The following CYP4Z1 variants were observed in gnomAD, a reference collection of about 807,000 sequenced individuals.
CYP4Z1 encodes the protein cytochrome P450 4Z1.
A neutral mutation model predicts 54.2 loss-of-function variants in CYP4Z1; 41 were observed. The ratio of observed to expected loss-of-function variants is 0.76; its 90% CI spans 0.59 to 0.98. The LOEUF is 0.98. Among genes scored for constraint, CYP4Z1 ranks in the 50% least tolerant of loss-of-function variants. CYP4Z1 has a pLI of 0.00. For synonymous variants in CYP4Z1, 163 were observed against 206.2 expected (o/e 0.79, Z 1.79); for missense variants, 513 against 599.0 (o/e 0.86, Z 1.50).
chr1:47,060,966 A>G, the CYP4Z1 span, among the ~76,000 whole-genome samples: 1 of 152,216 alleles, frequency 6.6e-6, no homozygotes, highest in Middle Eastern at 3.2e-3. Context: ...TGAGTAAACA[A>G]TGAAGTTAAG....
intron 1 of CYP4Z1, among the ~76,000 whole-genome samples, chr1:47,067,994 T>C (rs1244791554): frequency 2.0e-5 from 3 of 152,086 alleles, no homozygotes; most frequent in Admixed American, 6.6e-5. Context: ...TAGAGAGAAA[T>C]AGACCAAGCC....
chr1:47,084,444 G>GT (rs1415456439), intron 4 of CYP4Z1, among the ~76,000 whole-genome samples, 176 bp from the exon 5 acceptor site: 2 of 151,864 alleles, frequency 1.3e-5, no homozygotes, highest in Admixed American at 1.3e-4. Context: ...CTAAGGCACA[G>GT]TATCATTTTC....
chr1:47,064,746 A>G (rs898669018), upstream of CYP4Z1, among the ~76,000 whole-genome samples: 3 of 152,208 alleles, frequency 2.0e-5, no homozygotes, highest in African/African-American at 7.2e-5. Flanking sequence ...ACTTAAAAGA[A>G]ACAGAACAGC....
chr1:47,068,554 A>G, intron 1 of CYP4Z1, 68 bp from the exon 2 acceptor site: 1 of 1,579,850 alleles, frequency 6.3e-7, no homozygotes, highest in Non-Finnish European at 8.6e-7. Context: ...CACATGGTCC[A>G]TCCGAGGGAA....
chr1:47,087,782 A>G (rs576003820), intron 6 of CYP4Z1, among the ~76,000 whole-genome samples: 2 of 152,294 alleles, frequency 1.3e-5, no homozygotes, highest in South Asian at 4.1e-4. Context: ...CAGTTTTCAA[A>G]TGTAATGCTT....
chr1:47,062,758 C>T (rs1288373305), upstream of CYP4Z1, among the ~76,000 whole-genome samples: 2 of 152,208 alleles, frequency 1.3e-5, no homozygotes, highest in East Asian at 1.9e-4. Context: ...TCTCTACCCA[C>T]CCTGGTAGCC....
At chr1:47,057,336 ATATATATATATATATATAT>A in the CYP4Z1 span, among the ~76,000 whole-genome samples, 116 of 56,608 alleles carry the variant, frequency 2.0e-3, 7 homozygotes, top group African/African-American at 6.2e-3. Context: ...AGAAAAAAAA[ATATATATATATATATATAT>A]ATATATATAT....
chr1:47,111,191 A>AT (rs538389036), intron 9 of CYP4Z1, among the ~76,000 whole-genome samples: 62,815 of 148,476 alleles, frequency 0.42, 14,269 homozygotes, highest in East Asian at 0.96. Flanking sequence ...CACATCTGCA[A>AT]TTTTTTTTTT....
the CYP4Z1 span, among the ~76,000 whole-genome samples, chr1:47,056,112 A>G: frequency 2.2e-4 from 33 of 152,076 alleles, no homozygotes; most frequent in African/African-American, 6.8e-4. Flanking sequence ...ACATTCTGGT[A>G]TGTTGTGTCT....
In CYP4Z1 at chr1:47,067,645, A is replaced by C; in HGVS notation, c.155A>C (p.His52Pro). The C allele has an allele frequency of 6.2e-7, 1 of 1,609,420 alleles. No homozygotes were observed. Among genetic ancestry groups the C allele is most frequent in the Non-Finnish European group, 8.5e-7 (1 of 1,177,192 alleles). The change falls in exon 1 of 12, where the codon CAC becomes CCC. Residue 52 changes from histidine (H) to proline (P), a missense_variant. His to Pro is a moderately conservative substitution (Grantham distance 77). Coordinates refer to ENST00000334194, the MANE Select transcript of CYP4Z1 (RefSeq NM_178134.3). The stretch of plus-strand genomic sequence containing the variant: ...CACCTGTTTCCTGCACCCCCTGCCC[A>C]CTGGTTCTATGGCCACAAGGAGGTA... ...ALHLFPAPPA[H>P]WFYGHKEFYP... is the part of the protein sequence containing the mutation.
At chr1:47,106,073 T>C in intron 8 of CYP4Z1, 55 bp from the exon 9 acceptor site, 1 of 1,565,216 alleles carries the variant, frequency 6.4e-7, no homozygotes, top group African/African-American at 1.4e-5. Context: ...GGGCTTTCAG[T>C]GCAATGCCTA....
In CYP4Z1 at chr1:47,079,919, CATAAG is replaced by C. The variant is rs1462299349; in HGVS notation, c.320-700_320-696del. 4.0e-5 allele frequency among the ~76,000 whole-genome samples: 6 copies of C among 149,668 alleles called. No homozygotes were observed. In the East Asian group the frequency reaches 8.3e-4, roughly 21 times the overall value. On this transcript the variant is annotated intron_variant, in intron 2 of 11. Coordinates refer to ENST00000334194, the MANE Select transcript of CYP4Z1 (RefSeq NM_178134.3). ...CACTAGGGACTGAGAGAGTGAATGC[CATAAG>C]ATATCTTCTTACCCTTAGAACTCAA...
At chr1:47,088,794 T>TC (rs1047906018) in intron 6 of CYP4Z1, among the ~76,000 whole-genome samples, 1 of 130,960 alleles carries the variant, frequency 7.6e-6, no homozygotes. Context: ...ATATTGTATT[T>TC]TTTTTTTACT....
upstream of CYP4Z1, among the ~76,000 whole-genome samples, chr1:47,066,561 A>C (rs1644452340): frequency 6.6e-6 from 1 of 152,216 alleles, no homozygotes; most frequent in African/African-American, 2.4e-5. Context: ...CATTATACTG[A>C]AAGGGGAAAA....
chr1:47,088,167 G>C (rs1241360692), intron 6 of CYP4Z1, among the ~76,000 whole-genome samples: 4 of 151,924 alleles, frequency 2.6e-5, no homozygotes. Context: ...TTTTTTTGTT[G>C]TGTCTCTGCC....
chr1:47,102,155 G>A (rs1644726226), intron 8 of CYP4Z1, among the ~76,000 whole-genome samples: 1 of 152,094 alleles, frequency 6.6e-6, no homozygotes, highest in Admixed American at 6.6e-5. Flanking sequence ...CAGGTGAGAT[G>A]AGCTTCTTGT....
chr1:47,118,033 G>A lies in CYP4Z1; in HGVS notation c.*99G>A, dbSNP rs1644843785. The A allele has an allele frequency of 2.5e-6, 3 of 1,194,750 alleles. No homozygotes were observed. Among genetic ancestry groups the A allele is most frequent in the Non-Finnish European group, 3.4e-6 (3 of 878,172 alleles). The allele number at this position is 1,194,750 out of a possible 1,614,324, so 74.0% of individuals were successfully genotyped here. A position where few individuals can be genotyped will look rare whatever the true frequency, so the allele number is the denominator to read the frequency against. ...ACAAAATATATGTATATGGTTGTTT[G>A]ACAAATTATATAACTTAGGATACTT... On this transcript the variant is annotated 3_prime_UTR_variant, in exon 12 of 12. Transcript: ENST00000334194.
At chr1:47,091,680 C>T (rs1479423417) in intron 6 of CYP4Z1, among the ~76,000 whole-genome samples, 2 of 149,542 alleles carry the variant, frequency 1.3e-5, no homozygotes, top group African/African-American at 2.4e-5. Flanking sequence ...CTAAGAGCTC[C>T]CCCTACAGGA....
At chr1:47,077,524 C>T (rs1644534208) in intron 2 of CYP4Z1, among the ~76,000 whole-genome samples, 1 of 152,080 alleles carries the variant, frequency 6.6e-6, no homozygotes, top group African/African-American at 2.4e-5. Flanking sequence ...TTCTGCCAGT[C>T]TCTGCCTTTT....
Sources: allele counts gnomAD v4.1 joint callset (sites outside exome capture counted in the v4.1 genomes callset), GRCh38; gene constraint gnomAD v4.1.1; transcripts MANE v1.5; gene names NCBI Gene and HGNC (gene_info 2026-07-23, HGNC 2026-07-21).